Variants in TBC1D12 observed in about 807,000 individuals in gnomAD.
The protein encoded by TBC1D12 is TBC1 domain family member 12.
TBC1D12 carries 56 observed loss-of-function variants against 86.7 expected under a neutral mutation model. That is an observed-to-expected ratio of 0.65 (90% CI 0.52 to 0.81). The LOEUF is 0.81. Among genes scored for constraint, TBC1D12 ranks in the 30% least tolerant of loss-of-function variants. The pLI, the probability that TBC1D12 is intolerant of heterozygous loss-of-function variation, is 0.00. For missense variants in TBC1D12, 1,023 were observed against 1,038.8 expected (o/e 0.98, Z 0.21); for synonymous variants, 421 against 411.7 (o/e 1.02, Z -0.27).
rs933439473 is a variant in TBC1D12 at position 94,533,149 on chromosome 10, G to T, written c.*53G>T. 72 of 1,197,716 alleles carry T rather than the reference G, an allele frequency of 6.0e-5. No individual in the cohort carries two copies. Among genetic ancestry groups the T allele is most frequent in the Non-Finnish European group, 8.3e-5 (71 of 851,794 alleles). 74.2% of individuals were successfully genotyped at this position (1,197,716 alleles called of 1,614,324 possible). On this transcript the variant is annotated 3_prime_UTR_variant, in exon 13 of 13. Coordinates refer to ENST00000225235, the MANE Select transcript of TBC1D12 (RefSeq NM_015188.2). Reference sequence around the variant, plus strand: ...TAGAAAAAGTGGTTTTTGGATAAAGGTTTTTTGTTTCCTATGTAAAAGGCG... The same window carrying T: ...TAGAAAAAGTGGTTTTTGGATAAAGTTTTTTTGTTTCCTATGTAAAAGGCG...
intron 5 of TBC1D12, 50 bp downstream of exon 5, chr10:94,497,222 T>A: frequency 9.2e-7 from 1 of 1,091,616 alleles, no homozygotes; most frequent in South Asian, 1.6e-5. Context: ...GAAGATCTCA[T>A]GTTTCTTTTT....
intron 2 of TBC1D12, among the ~76,000 whole-genome samples, chr10:94,444,369 A>G (rs2134094036): frequency 6.6e-6 from 1 of 152,198 alleles, no homozygotes; most frequent in South Asian, 2.1e-4. Context: ...CACTAAAGGC[A>G]TTGACCAAGA....
At chr10:94,433,751 C>G (rs1182368652) in intron 1 of TBC1D12, among the ~76,000 whole-genome samples, 2 of 152,152 alleles carry the variant, frequency 1.3e-5, no homozygotes, top group Non-Finnish European at 2.9e-5. Context: ...TCAGCCAGGT[C>G]ACATTATTTG....
intron 3 of TBC1D12, among the ~76,000 whole-genome samples, chr10:94,480,148 G>A (rs1014396200): frequency 6.6e-6 from 1 of 152,168 alleles, no homozygotes; most frequent in Non-Finnish European, 1.5e-5. Flanking sequence ...GTCCCTGAAC[G>A]ATCTGATTGT....
chr10:94,410,316 T>A (rs2054913395), intron 1 of TBC1D12, among the ~76,000 whole-genome samples: 2 of 152,260 alleles, frequency 1.3e-5, no homozygotes, highest in African/African-American at 4.8e-5. Context: ...TAAAAACCAG[T>A]ACCTGTTTGC....
intron 3 of TBC1D12, among the ~76,000 whole-genome samples, chr10:94,488,454 G>A (rs1314509010): frequency 2.9e-5 from 4 of 139,194 alleles, no homozygotes; most frequent in Non-Finnish European, 6.1e-5. Context: ...GCAGTGGTGC[G>A]ATCTTGGCTC....
rs775182164 is a variant in TBC1D12 at position 94,522,470 on chromosome 10, G to A, written c.2000+17G>A. On this transcript the variant is annotated intron_variant, in intron 11 of 12. Transcript: ENST00000225235. Reference sequence around the variant, plus strand: ...GATAGACTGGTAAGTCATAACATACGTAATATATAATAATGAAAAGGAAAT... The same window carrying A: ...GATAGACTGGTAAGTCATAACATACATAATATATAATAATGAAAAGGAAAT... 25 of 981,904 alleles carry A rather than the reference G, an allele frequency of 2.5e-5. No individual in the cohort carries two copies. The highest frequency in any genetic ancestry group is 5.2e-5 in the South Asian group (3 of 57,320). The allele number at this position is 981,904 out of a possible 1,614,324, so 60.8% of individuals were successfully genotyped here.
chr10:94,457,182 C>A (rs551407091), intron 2 of TBC1D12, among the ~76,000 whole-genome samples: 1 of 152,150 alleles, frequency 6.6e-6, no homozygotes, highest in South Asian at 2.1e-4. Flanking sequence ...TTGTTTGCTG[C>A]ACCTATCAAC....
chr10:94,459,581 G>T (rs1198486186), intron 2 of TBC1D12, among the ~76,000 whole-genome samples: 1 of 152,202 alleles, frequency 6.6e-6, no homozygotes, highest in Non-Finnish European at 1.5e-5. Context: ...CCGCGCAGGA[G>T]CCCACCAGGG....
intron 5 of TBC1D12, among the ~76,000 whole-genome samples, chr10:94,499,162 T>C (rs1436503581): frequency 6.6e-6 from 1 of 152,232 alleles, no homozygotes; most frequent in Non-Finnish European, 1.5e-5. Context: ...CAGTATTTTG[T>C]GGTAAAACAT....
intron 2 of TBC1D12, among the ~76,000 whole-genome samples, chr10:94,464,752 T>A (rs1019746168): frequency 6.6e-6 from 1 of 152,220 alleles, no homozygotes; most frequent in Admixed American, 6.5e-5. Context: ...AACTGAAGTG[T>A]TCAAGTATTA....
Position 94,432,017 on chromosome 10 carries a change from T to C in TBC1D12, c.972-9879T>C, listed in dbSNP as rs570764727. On this transcript the variant is annotated intron_variant, in intron 1 of 12. Coordinates refer to ENST00000225235, the MANE Select transcript of TBC1D12 (RefSeq NM_015188.2). ...GGAATCCTGAAAGAATTGTTCTATC[T>C]TTTGTGTGGGTGTGCTTGAACACAT... Among the ~76,000 whole-genome samples, 21 of 152,298 alleles carry C rather than the reference T, an allele frequency of 1.4e-4. No individual in the cohort carries two copies. The East Asian group carries it at 4.0e-3, about 29-fold the overall frequency.
At chr10:94,487,771 AC>A (rs2056189176) in intron 3 of TBC1D12, among the ~76,000 whole-genome samples, 1 of 143,814 alleles carries the variant, frequency 7.0e-6, no homozygotes, top group Non-Finnish European at 1.5e-5. Flanking sequence ...GTCATCGCTG[AC>A]TGTGGCCTCT....
chr10:94,518,602 C>T (rs1450369640), intron 9 of TBC1D12, among the ~76,000 whole-genome samples: 1 of 152,104 alleles, frequency 6.6e-6, no homozygotes, highest in Non-Finnish European at 1.5e-5. Context: ...AGCAATACTA[C>T]ATAAACAATG....
At chr10:94,524,515 C>A (rs1024945326) in intron 11 of TBC1D12, among the ~76,000 whole-genome samples, 2 of 151,956 alleles carry the variant, frequency 1.3e-5, no homozygotes, top group Non-Finnish European at 2.9e-5. Context: ...CCGAGGCAGG[C>A]GGATCACGAG....
At position 94,449,635 on chromosome 10, in the gene TBC1D12, A is replaced by T. The variant is rs571398623; in HGVS notation, c.1095+7616A>T. ...GCTCTCTATAAATTGTTCACAGCAT[A>T]TAGAAATAGAAGGATTTACTCACTA... On this transcript the variant is annotated intron_variant, in intron 2 of 12. Coordinates refer to ENST00000225235, the MANE Select transcript of TBC1D12 (RefSeq NM_015188.2). Among the ~76,000 whole-genome samples, 20 of 152,314 alleles carry T rather than the reference A, an allele frequency of 1.3e-4. No homozygotes were observed. The East Asian group carries it at 3.9e-3, about 29-fold the overall frequency.
chr10:94,459,004 C>T (rs1178604250), intron 2 of TBC1D12, among the ~76,000 whole-genome samples: 2 of 152,170 alleles, frequency 1.3e-5, no homozygotes, highest in East Asian at 1.9e-4. Context: ...GCGTTGTTGG[C>T]TCAGGTGGCC....
chr10:94,529,831 G>A (rs141196857), intron 11 of TBC1D12, among the ~76,000 whole-genome samples: 53 of 152,290 alleles, frequency 3.5e-4, no homozygotes, highest in African/African-American at 1.2e-3. Context: ...CACAATTGAT[G>A]TGGGGGACAG....
chr10:94,474,664 C>G lies in TBC1D12; in HGVS notation c.1096-4C>G. On this transcript the variant is annotated splice_region_variant and splice_polypyrimidine_tract_variant and intron_variant, in intron 2 of 12. Coordinates refer to ENST00000225235, the MANE Select transcript of TBC1D12 (RefSeq NM_015188.2). ...TGCATAAGGTATGTTTTAATTTACTCTAGGAATATGAAGCACGAACGGGGA... is the reference window on the plus strand; with the variant it reads ...TGCATAAGGTATGTTTTAATTTACTGTAGGAATATGAAGCACGAACGGGGA... 6.2e-7 allele frequency: 1 copy of G among 1,611,374 alleles called. No homozygotes were observed. The highest frequency in any genetic ancestry group is 8.5e-7 in the Non-Finnish European group (1 of 1,177,696).
Sources: allele counts gnomAD v4.1 joint callset (sites outside exome capture counted in the v4.1 genomes callset), GRCh38; gene constraint gnomAD v4.1.1; transcripts MANE v1.5; gene names NCBI Gene and HGNC (gene_info 2026-07-23, HGNC 2026-07-21).